Variants in RGS7 observed in about 807,000 individuals in gnomAD.
RGS7 encodes regulator of G-protein signaling 7.
Under a neutral mutation model 81.1 loss-of-function variants are expected in RGS7, and 27 were observed. The ratio of observed to expected loss-of-function variants is 0.33; its 90% CI spans 0.25 to 0.46. The LOEUF is 0.46. RGS7 is among the 20% of genes least tolerant of loss of function. The probability of loss-of-function intolerance (pLI) is 1.00; values close to 1 mark genes in which losing one functional copy is unlikely to be tolerated. For synonymous variants in RGS7, 208 were observed against 207.7 expected, an observed-to-expected ratio of 1.00 and a Z score of -0.01; for missense variants, 396 against 607.4, an observed-to-expected ratio of 0.65 and a Z score of 3.66.
At position 240,806,294 on chromosome 1, in the gene RGS7, C is replaced by T. The variant is rs1308415288; in HGVS notation, c.1115G>A (p.Arg372Lys). The T allele has an allele frequency of 6.2e-7, 1 of 1,613,814 alleles. No homozygotes were observed. The highest frequency in any genetic ancestry group is 8.5e-7 in the Non-Finnish European group (1 of 1,179,942). Residue 372 changes from arginine (R) to lysine (K), a missense_variant, in exon 15 of 19, where the codon AGG (arginine) becomes AAG (lysine). Coordinates refer to ENST00000440928, the MANE Select transcript of RGS7 (RefSeq NM_001364886.1). ...TCTTGAGGGTACTTCTTTAATAGGC[C>T]TCTTTTTCAGGTCCTCCACTGCCAG... ...FWLAVEDLKK[R>K]PIKEVPSRVQ...
At chr1:240,926,720 A>G (rs898920576) in intron 6 of RGS7, among the ~76,000 whole-genome samples, 5 of 152,146 alleles carry the variant, frequency 3.3e-5, no homozygotes, top group African/African-American at 1.2e-4. Flanking sequence ...TGATGAGCAA[A>G]TACATCTGGG....
chr1:241,187,419 T>G (rs1194990697), intron 2 of RGS7, among the ~76,000 whole-genome samples: 2 of 152,310 alleles, frequency 1.3e-5, no homozygotes, highest in East Asian at 3.9e-4. Flanking sequence ...ACACTAAGAA[T>G]TAGAGATTAT....
At chr1:241,013,312 C>T (rs2059064920) in intron 3 of RGS7, among the ~76,000 whole-genome samples, 3 of 152,078 alleles carry the variant, frequency 2.0e-5, no homozygotes, top group African/African-American at 7.2e-5. Flanking sequence ...ATCTGCCCAC[C>T]TTAGCCTCCC....
intron 6 of RGS7, among the ~76,000 whole-genome samples, chr1:240,894,302 G>A (rs1350035043): frequency 2.0e-5 from 3 of 152,032 alleles, no homozygotes; most frequent in South Asian, 2.1e-4. Context: ...TGTAACTAGC[G>A]CTCAGTGTCT....
intron 2 of RGS7, among the ~76,000 whole-genome samples, chr1:241,188,524 T>C (rs1290116113): frequency 1.3e-5 from 2 of 152,200 alleles, no homozygotes; most frequent in African/African-American, 2.4e-5. Context: ...AGAAAAAATA[T>C]ATTTTTTTCT....
intron 3 of RGS7, among the ~76,000 whole-genome samples, chr1:241,017,957 GTC>G: frequency 6.6e-6 from 1 of 151,300 alleles, no homozygotes; most frequent in East Asian, 1.9e-4. Context: ...TGACTGCTTT[GTC>G]TCTCTATTTC....
intron 6 of RGS7, among the ~76,000 whole-genome samples, chr1:240,928,890 C>A (rs1301838323): frequency 6.6e-6 from 1 of 152,082 alleles, no homozygotes; most frequent in African/African-American, 2.4e-5. Context: ...GGATTATAGG[C>A]GTGAACCACT....
chr1:240,850,205 T>G (rs1558350551), intron 9 of RGS7, among the ~76,000 whole-genome samples: 4 of 152,248 alleles, frequency 2.6e-5, no homozygotes, highest in Non-Finnish European at 5.9e-5. Context: ...TTGTTCTTTT[T>G]GCAGATTGAA....
intron 9 of RGS7, among the ~76,000 whole-genome samples, chr1:240,842,199 A>ATTGTTTTTTTTTTTTTTTTTTTTTT (rs1658152392): frequency 1.3e-5 from 1 of 78,676 alleles, no homozygotes; most frequent in Non-Finnish European, 2.5e-5. Flanking sequence ...TTTGTCAGGA[A>ATTGTTTTTTTTTTTTTTTTTTTTTT]TTTTTTTTTT....
chr1:241,232,686 A>T (rs1168618434), intron 2 of RGS7, among the ~76,000 whole-genome samples: 2 of 151,816 alleles, frequency 1.3e-5, no homozygotes, highest in Non-Finnish European at 2.9e-5. Context: ...AAAAAAAAAA[A>T]AGGCCTGGGG....
intron 2 of RGS7, among the ~76,000 whole-genome samples, chr1:241,184,541 A>G (rs2071925607): frequency 6.6e-6 from 1 of 152,354 alleles, no homozygotes; most frequent in East Asian, 1.9e-4. Context: ...CACAAGTAGA[A>G]GGTTCCACTT....
Position 241,070,932 on chromosome 1 carries a change from A to G in RGS7, c.175+27734T>C, listed in dbSNP as rs146763359. On this transcript the variant is annotated intron_variant, in intron 3 of 18. Transcript: ENST00000440928. ...TCAGAAATCTTGCCAAGAGGACTGG[A>G]TTTCTAATACCAGCAAGCACCAAGA... is the stretch of plus-strand genomic sequence containing the variant. Among the ~76,000 whole-genome samples, 210 of 152,324 alleles carry G rather than the reference A, an allele frequency of 1.4e-3. 1 individual carries two copies. The highest frequency in any genetic ancestry group is 4.7e-3 in the African/African-American group (197 of 41,572).
intron 5 of RGS7, among the ~76,000 whole-genome samples, chr1:240,933,283 G>A (rs1676018440): frequency 6.6e-6 from 1 of 151,738 alleles, no homozygotes; most frequent in Admixed American, 6.6e-5. Context: ...GTGTGTGCAG[G>A]CATATCTATT....
At chr1:240,912,258 T>C (rs1444398472) in intron 6 of RGS7, among the ~76,000 whole-genome samples, 1 of 151,532 alleles carries the variant, frequency 6.6e-6, no homozygotes, top group African/African-American at 2.4e-5. Flanking sequence ...ATTTCTGATA[T>C]GCTATTATTT....
chr1:240,860,665 G>T (rs975580113), intron 9 of RGS7, among the ~76,000 whole-genome samples: 2 of 152,112 alleles, frequency 1.3e-5, no homozygotes, highest in Admixed American at 1.3e-4. Context: ...ACATTTATGG[G>T]ACTACAGGCA....
intron 3 of RGS7, among the ~76,000 whole-genome samples, chr1:241,049,218 G>T (rs2061118002): frequency 6.6e-6 from 1 of 152,134 alleles, no homozygotes; most frequent in Non-Finnish European, 1.5e-5. Flanking sequence ...TTGAAAACCT[G>T]GCAACATCGA....
chr1:241,193,609 C>T (rs975736064), intron 2 of RGS7, among the ~76,000 whole-genome samples: 1 of 152,174 alleles, frequency 6.6e-6, no homozygotes, highest in African/African-American at 2.4e-5. Context: ...TGGTCTAGAG[C>T]AGTCTTCATC....
chr1:241,297,392 G>T (rs914450717), intron 2 of RGS7, among the ~76,000 whole-genome samples: 2 of 152,218 alleles, frequency 1.3e-5, no homozygotes, highest in African/African-American at 4.8e-5. Flanking sequence ...GTGAATTGCT[G>T]TAATGAGATA....
At position 240,936,594 on chromosome 1, in the gene RGS7, A is replaced by G; in HGVS notation, c.333+6T>C. ...TACTGTTAAAGAACATTTCTAATAA[A>G]CTTACTTGAAACCGGTAAAAGGTGC... On this transcript the variant is annotated splice_donor_region_variant and intron_variant, in intron 5 of 18. Transcript: ENST00000440928. The G allele has an allele frequency of 6.2e-7, 1 of 1,602,964 alleles. No individual in the cohort carries two copies. Among genetic ancestry groups the G allele is most frequent in the Non-Finnish European group, 8.5e-7 (1 of 1,169,852 alleles).
Sources: gnomAD v4.1 joint callset for allele counts (sites outside exome capture counted in the v4.1 genomes callset) on GRCh38, gnomAD v4.1.1 for gene constraint, MANE v1.5 for transcripts, NCBI Gene and HGNC (gene_info 2026-07-23, HGNC 2026-07-21) for gene names.